The following ITGA2 variants were observed in gnomAD, a reference collection of about 807,000 sequenced individuals.
ITGA2 encodes integrin subunit alpha 2, also known as integrin alpha-2.
A neutral mutation model predicts 146.3 loss-of-function variants in ITGA2; 101 were observed. The ratio of observed to expected loss-of-function variants is 0.69; its 90% CI spans 0.59 to 0.81. ITGA2 has a LOEUF of 0.81. Ranked by LOEUF, ITGA2 falls within the 40% of genes least tolerant of loss-of-function variation. ITGA2 has a pLI of 0.00. For missense variants in ITGA2, 1,281 were observed against 1,402.7 expected (o/e 0.91, Z 1.39); for synonymous variants, 477 against 487.1 (o/e 0.98, Z 0.27).
At chr5:53,005,352 TG>T (rs1741786889) in intron 1 of ITGA2, among the ~76,000 whole-genome samples, 1 of 151,902 alleles carries the variant, frequency 6.6e-6, no homozygotes, top group Non-Finnish European at 1.5e-5. Context: ...GGGGGCCAGG[TG>T]GGCAGATCAC....
intron 1 of ITGA2, among the ~76,000 whole-genome samples, chr5:52,994,324 T>C (rs561277864): frequency 4.1e-4 from 63 of 152,276 alleles, no homozygotes; most frequent in African/African-American, 1.4e-3. Context: ...CCCCTTGTCA[T>C]CTTCCTTTCT....
At position 53,062,694 on chromosome 5, in the gene ITGA2, T is replaced by C. The variant is rs1285289561; in HGVS notation, c.1459-92T>C. 3 of 1,356,240 alleles carry C rather than the reference T, an allele frequency of 2.2e-6. No homozygotes were observed. In the African/African-American group the frequency reaches 4.3e-5, roughly 19 times the overall value. The allele number at this position is 1,356,240 out of a possible 1,614,324, so 84.0% of individuals were successfully genotyped here. ...TTTGCAAATAGTAAACACTCAATTT[T>C]TGTGTATTGAATGAGCAAGTAAATG... On this transcript the variant is annotated intron_variant, in intron 12 of 29. Coordinates refer to ENST00000296585, the MANE Select transcript of ITGA2 (RefSeq NM_002203.4).
At chr5:53,029,759 A>G (rs1255969741) in intron 2 of ITGA2, among the ~76,000 whole-genome samples, 2 of 152,212 alleles carry the variant, frequency 1.3e-5, no homozygotes, top group Non-Finnish European at 1.5e-5. Flanking sequence ...CCAGAGTGAT[A>G]TCTGGCACTG....
chr5:53,019,239 A>G (rs1473295758), intron 1 of ITGA2, among the ~76,000 whole-genome samples: 1 of 152,242 alleles, frequency 6.6e-6, no homozygotes. Context: ...TCATATAAAT[A>G]AGCAAACTCA....
chr5:53,044,908 A>G (rs1743999921), intron 3 of ITGA2, 93 bp from the exon 4 acceptor site: 3 of 841,326 alleles, frequency 3.6e-6, no homozygotes, highest in African/African-American at 3.4e-5. Context: ...ATTCAATGCT[A>G]CATGCAAACA....
At position 53,074,564 on chromosome 5, in the gene ITGA2, T is replaced by C. The variant is rs1453015229; in HGVS notation, c.2664+87T>C. On this transcript the variant is annotated intron_variant, in intron 21 of 29. Transcript: ENST00000296585. Reference sequence around the variant, plus strand: ...CCAACATAACATCTTGCTATCATGATTTGATAGGCATCACAAAATAACTAG... The same window carrying C: ...CCAACATAACATCTTGCTATCATGACTTGATAGGCATCACAAAATAACTAG... The C allele has an allele frequency of 3.0e-6, 3 of 1,016,070 alleles. No homozygotes were observed. In the African/African-American group the frequency reaches 4.7e-5, roughly 16 times the overall value. The allele number at this position is 1,016,070 out of a possible 1,614,324, so 62.9% of individuals were successfully genotyped here. A position where few individuals can be genotyped will look rare whatever the true frequency, so the allele number is the denominator to read the frequency against.
At chr5:53,051,028 G>A (rs912458448) in intron 6 of ITGA2, among the ~76,000 whole-genome samples, 5 of 152,096 alleles carry the variant, frequency 3.3e-5, no homozygotes, top group African/African-American at 9.7e-5. Flanking sequence ...ATAGTTGTTC[G>A]CGAGCTTCTG....
chr5:52,998,358 G>A (rs1339005589), intron 1 of ITGA2, among the ~76,000 whole-genome samples: 4 of 152,124 alleles, frequency 2.6e-5, no homozygotes, highest in Admixed American at 2.0e-4. Flanking sequence ...AGAGGCTGAG[G>A]CAGGAGAATT....
intron 1 of ITGA2, among the ~76,000 whole-genome samples, chr5:53,008,422 A>C (rs990043929): frequency 3.3e-5 from 5 of 151,270 alleles, no homozygotes; most frequent in African/African-American, 1.2e-4. Flanking sequence ...ATTGAGGGTT[A>C]GGGTTTGAAT....
chr5:53,039,546 C>G (rs1743671842), intron 2 of ITGA2, among the ~76,000 whole-genome samples: 1 of 151,568 alleles, frequency 6.6e-6, no homozygotes, highest in Non-Finnish European at 1.5e-5. Flanking sequence ...GAGGTTGAGA[C>G]CAGCCTGGCA....
chr5:53,021,077 A>T (rs754091735), intron 1 of ITGA2, among the ~76,000 whole-genome samples: 2 of 152,164 alleles, frequency 1.3e-5, no homozygotes, highest in Admixed American at 6.5e-5. Context: ...TTGTGTTACT[A>T]TTCACATATA....
In ITGA2 at chr5:53,058,002, A is replaced by T. The variant is rs200788128; in HGVS notation, c.1097-23A>T. ...ATTTAAAATTACTGACAGTAATACA[A>T]TTTTTAAAATTGAATGTTCCAGGTA... On this transcript the variant is annotated intron_variant, in intron 9 of 29. Transcript: ENST00000296585. The T allele has an allele frequency of 3.2e-6, 5 of 1,584,194 alleles. No individual in the cohort carries two copies. In the African/African-American group the frequency reaches 5.4e-5, roughly 17 times the overall value.
At chr5:53,045,544 AC>A (rs1292190706) in intron 4 of ITGA2, among the ~76,000 whole-genome samples, 1 of 152,204 alleles carries the variant, frequency 6.6e-6, no homozygotes, top group Non-Finnish European at 1.5e-5. Flanking sequence ...TCATTTAGTT[AC>A]AAAAAGAGTA....
In ITGA2 at chr5:53,067,159, C is replaced by A. The variant is rs774132314; in HGVS notation, c.1985C>A (p.Thr662Lys). The A allele has an allele frequency of 1.2e-6, 2 of 1,611,214 alleles. No individual in the cohort carries two copies. The highest frequency in any genetic ancestry group is 1.7e-6 in the Non-Finnish European group (2 of 1,178,606). ...GATGTAGCTATAGAAGCTTCATTCA[C>A]ACCAGAAAAAATCACTTTGGTCAAC... The part of the protein sequence containing the change: ...IADVAIEASF[T>K]PEKITLVNKN... The change falls in exon 16 of 30, where the codon ACA becomes AAA. Residue 662 changes from threonine to lysine, a missense_variant. Thr to Lys is a moderately conservative substitution (Grantham distance 78). Transcript: ENST00000296585.
Position 53,060,023 on chromosome 5 carries a change from G to A in ITGA2, c.1312+11G>A. ...ACAGTTCATATTTAGGTAAGGCATG[G>A]TAATAATTGGCTCAGCAAACTTAAG... On this transcript the variant is annotated intron_variant, in intron 11 of 29. Transcript: ENST00000296585. 1.2e-6 allele frequency: 2 copies of A among 1,611,800 alleles called. No individual in the cohort carries two copies. The highest frequency in any genetic ancestry group is 1.1e-5 in the South Asian group (1 of 91,050).
intron 13 of ITGA2, among the ~76,000 whole-genome samples, chr5:53,063,344 G>A (rs2111970005): frequency 6.6e-6 from 1 of 151,946 alleles, no homozygotes; most frequent in Non-Finnish European, 1.5e-5. Flanking sequence ...GTTTTACCAA[G>A]CACTTTGTAA....
At chr5:53,034,704 G>T (rs1386700008) in intron 2 of ITGA2, among the ~76,000 whole-genome samples, 2 of 151,992 alleles carry the variant, frequency 1.3e-5, no homozygotes, top group Non-Finnish European at 2.9e-5. Context: ...AAAGGTGACT[G>T]GGACTTACAC....
intron 19 of ITGA2, among the ~76,000 whole-genome samples, 164 bp from the exon 20 acceptor site, chr5:53,072,951 TTTG>T (rs1745469111): frequency 6.6e-6 from 1 of 151,920 alleles, no homozygotes; most frequent in South Asian, 2.1e-4. Flanking sequence ...CATTTACTTA[TTTG>T]TTGTCAGTAT....
At chr5:53,046,120 G>A (rs991018779) in intron 4 of ITGA2, among the ~76,000 whole-genome samples, 2 of 150,472 alleles carry the variant, frequency 1.3e-5, no homozygotes, top group Non-Finnish European at 2.9e-5. Context: ...GGACCCAGGA[G>A]GCAAAAGTTG....
Sources: gnomAD v4.1 joint callset for allele counts (sites outside exome capture counted in the v4.1 genomes callset) on GRCh38, gnomAD v4.1.1 for gene constraint, MANE v1.5 for transcripts, NCBI Gene and HGNC (gene_info 2026-07-23, HGNC 2026-07-21) for gene names.